PTCHD4: variants seen among roughly 807,000 people sequenced by gnomAD.
PTCHD4 encodes patched domain-containing protein 4.
Under a neutral mutation model 58.1 loss-of-function variants are expected in PTCHD4, and 33 were observed. The observed-to-expected ratio is 0.57, with a 90% CI of 0.43 to 0.76. PTCHD4 has a LOEUF of 0.76. Ranked by LOEUF, PTCHD4 falls within the 30% of genes least tolerant of loss-of-function variation. The probability of loss-of-function intolerance (pLI) is 0.00; values close to 1 mark genes in which losing one functional copy is unlikely to be tolerated. For synonymous variants in PTCHD4, 478 were observed against 409.6 expected (o/e 1.17, Z -2.02); for missense variants, 1,058 against 1,027.1 (o/e 1.03, Z -0.41).
At chr6:47,935,469 C>T (rs1353553176) in intron 4 of PTCHD4, among the ~76,000 whole-genome samples, 1 of 152,168 alleles carries the variant, frequency 6.6e-6, no homozygotes. Flanking sequence ...TGCCAGTTCT[C>T]CTTTACATCA....
At chr6:47,890,736 C>T (rs187541756) in intron 4 of PTCHD4, among the ~76,000 whole-genome samples, 1 of 152,254 alleles carries the variant, frequency 6.6e-6, no homozygotes, top group East Asian at 1.9e-4. Context: ...TCCCGGAGCT[C>T]TCTTTTCAGC....
At chr6:47,962,188 T>A (rs570755285) in intron 4 of PTCHD4, among the ~76,000 whole-genome samples, 15 of 152,290 alleles carry the variant, frequency 9.8e-5, no homozygotes, top group African/African-American at 3.1e-4. Context: ...TTGAAAAATT[T>A]ATACCACAAA....
intron 4 of PTCHD4, among the ~76,000 whole-genome samples, chr6:47,947,384 T>C (rs1351149415): frequency 1.3e-5 from 2 of 152,152 alleles, no homozygotes; most frequent in African/African-American, 4.8e-5. Flanking sequence ...GTTTATATTC[T>C]CTTTTATTCA....
At chr6:48,002,925 C>G (rs556912253) in intron 4 of PTCHD4, among the ~76,000 whole-genome samples, 234 of 152,236 alleles carry the variant, frequency 1.5e-3, no homozygotes, top group African/African-American at 5.5e-3. Context: ...GGCTACTTCT[C>G]AGTTCTTAAC....
At chr6:48,046,162 G>T (rs976288418) in intron 3 of PTCHD4, among the ~76,000 whole-genome samples, 1 of 151,862 alleles carries the variant, frequency 6.6e-6, no homozygotes, top group African/African-American at 2.4e-5. Flanking sequence ...ATCTCTGAAC[G>T]AGTTTACTTT....
At chr6:47,909,493 T>G (rs1352709572) in intron 4 of PTCHD4, among the ~76,000 whole-genome samples, 4 of 152,162 alleles carry the variant, frequency 2.6e-5, no homozygotes, top group Non-Finnish European at 5.9e-5. Context: ...AATTTAAATA[T>G]TTTAATATTT....
chr6:47,865,097 T>C lies in PTCHD4; in HGVS notation c.*13206A>G, dbSNP rs1201568592. 6.6e-6 allele frequency among the ~76,000 whole-genome samples: 1 copy of C among 151,918 alleles called. No homozygotes were observed. Among genetic ancestry groups the C allele is most frequent in the Non-Finnish European group, 1.5e-5 (1 of 67,902 alleles). On this transcript the variant is annotated 3_prime_UTR_variant, in exon 5 of 5. Coordinates refer to ENST00000339488, the MANE Select transcript of PTCHD4 (RefSeq NM_001384253.1). ...AAGAATTATTTGCTAATTAAATTGA[T>C]GTTTATATATGTAGATTAATCTAGA... is the stretch of plus-strand genomic sequence containing the variant.
rs1002353855 is a variant in PTCHD4 at position 47,875,685 on chromosome 6, T to C, written c.*2618A>G. On this transcript the variant is annotated 3_prime_UTR_variant, in exon 5 of 5. Transcript: ENST00000339488. ...TTGAAGACATAAACTAAAAAAGAAC[T>C]GTTTTTCCCTATCTAAACAGAGACT... 6.6e-6 allele frequency among the ~76,000 whole-genome samples: 1 copy of C among 151,824 alleles called. No homozygotes were observed.
intron 4 of PTCHD4, among the ~76,000 whole-genome samples, chr6:47,981,357 C>A (rs977452921): frequency 6.6e-6 from 1 of 151,900 alleles, no homozygotes; most frequent in Non-Finnish European, 1.5e-5. Context: ...TCTAATAAAG[C>A]CTTTATTTTT....
intron 4 of PTCHD4, among the ~76,000 whole-genome samples, chr6:47,971,868 G>C (rs1463661074): frequency 6.6e-6 from 1 of 152,122 alleles, no homozygotes; most frequent in Non-Finnish European, 1.5e-5. Flanking sequence ...GAGACCAGAG[G>C]GCTCCAGGAG....
chr6:48,074,726 A>G (rs985936881), intron 1 of PTCHD4, among the ~76,000 whole-genome samples: 3 of 152,068 alleles, frequency 2.0e-5, no homozygotes, highest in Non-Finnish European at 2.9e-5. Context: ...GCATGATAAG[A>G]TGTTGGGGAT....
At chr6:47,919,658 C>G (rs1371071635) in intron 4 of PTCHD4, among the ~76,000 whole-genome samples, 1 of 152,072 alleles carries the variant, frequency 6.6e-6, no homozygotes, top group Non-Finnish European at 1.5e-5. Context: ...ATTTTGTAAT[C>G]AGGATAAGAA....
intron 1 of PTCHD4, among the ~76,000 whole-genome samples, chr6:48,074,472 G>A (rs746884938): frequency 6.6e-6 from 1 of 152,192 alleles, no homozygotes; most frequent in African/African-American, 2.4e-5. Flanking sequence ...TTGTAAGAGT[G>A]AAGAAGCTTT....
chr6:48,014,504 G>A (rs1762799327), intron 3 of PTCHD4, among the ~76,000 whole-genome samples: 1 of 152,018 alleles, frequency 6.6e-6, no homozygotes, highest in South Asian at 2.1e-4. Flanking sequence ...TCACATTAAT[G>A]GTAAAAGTTC....
At chr6:48,057,186 T>G (rs1764440782) in intron 3 of PTCHD4, among the ~76,000 whole-genome samples, 1 of 151,384 alleles carries the variant, frequency 6.6e-6, no homozygotes, top group African/African-American at 2.4e-5. Context: ...TTTTGTTTTT[T>G]TTTGTTTTTT....
At chr6:47,918,671 T>C (rs2113880990) in intron 4 of PTCHD4, among the ~76,000 whole-genome samples, 1 of 152,194 alleles carries the variant, frequency 6.6e-6, no homozygotes, top group South Asian at 2.1e-4. Context: ...AAATTCTAAG[T>C]GGAAAAAAAA....
intron 4 of PTCHD4, among the ~76,000 whole-genome samples, chr6:47,988,246 T>C (rs1768149582): frequency 6.6e-6 from 1 of 152,238 alleles, no homozygotes; most frequent in Non-Finnish European, 1.5e-5. Context: ...TTCCAATTAG[T>C]AGTGCTGTCA....
Position 48,102,054 on chromosome 6 carries a change from T to G in PTCHD4, c.-970+8995A>C, listed in dbSNP as rs561684490. Among the ~76,000 whole-genome samples, 6 of 152,340 alleles carry G rather than the reference T, an allele frequency of 3.9e-5. No individual in the cohort carries two copies. In the South Asian group the frequency reaches 8.3e-4, roughly 21 times the overall value. On this transcript the variant is annotated intron_variant, in intron 1 of 4. Transcript: ENST00000339488. The stretch of plus-strand genomic sequence containing the variant: ...CCTGCTGCATGTTCATTTCTTAGTC[T>G]AGACTCAGACCCCAGGCTACCAATA...
intron 1 of PTCHD4, among the ~76,000 whole-genome samples, chr6:48,106,030 G>T (rs1765713371): frequency 6.6e-6 from 1 of 152,138 alleles, no homozygotes; most frequent in African/African-American, 2.4e-5. Context: ...GTAGAAGGAG[G>T]AGCTGGTACC....
Sources: gnomAD v4.1 joint callset for allele counts (sites outside exome capture counted in the v4.1 genomes callset) on GRCh38, gnomAD v4.1.1 for gene constraint, MANE v1.5 for transcripts, NCBI Gene and HGNC (gene_info 2026-07-23, HGNC 2026-07-21) for gene names.